The following ATP2C1 variants were observed in gnomAD, a reference collection of about 807,000 sequenced individuals.
The protein encoded by ATP2C1 is calcium-transporting ATPase type 2C member 1.
Under a neutral mutation model 120.5 loss-of-function variants are expected in ATP2C1, and 31 were observed. The observed-to-expected ratio is 0.26, with a 90% CI of 0.19 to 0.35. The LOEUF is 0.35. Among genes scored for constraint, ATP2C1 ranks in the 10% least tolerant of loss-of-function variants. The pLI is 1.00. For synonymous variants in ATP2C1, 351 were observed against 358.7 expected (o/e 0.98, Z 0.24); for missense variants, 731 against 1,107.5 (o/e 0.66, Z 4.83).
At chr3:131,015,560 A>G (rs916589874) in intron 26 of ATP2C1, among the ~76,000 whole-genome samples, 2 of 152,158 alleles carry the variant, frequency 1.3e-5, no homozygotes, top group African/African-American at 4.8e-5. Context: ...TAAAGCAAAC[A>G]TCCTAGGTTA....
chr3:130,871,905 CCT>C (rs1383183399), intron 1 of ATP2C1, among the ~76,000 whole-genome samples: 1 of 151,934 alleles, frequency 6.6e-6, no homozygotes, highest in African/African-American at 2.4e-5. Context: ...GCCTATAACC[CCT>C]GTTACTCTGG....
chr3:130,957,621 A>T (rs537322898), intron 11 of ATP2C1, among the ~76,000 whole-genome samples: 1 of 152,104 alleles, frequency 6.6e-6, no homozygotes, highest in Admixed American at 6.6e-5. Context: ...ATCCCGGCTG[A>T]CTGTAACCTC....
At chr3:130,996,249 T>A in intron 23 of ATP2C1, 138 bp downstream of exon 23, 1 of 718,048 alleles carries the variant, frequency 1.4e-6, no homozygotes, top group Non-Finnish European at 2.5e-6. Context: ...AAAAAGAAAA[T>A]TTATTGTATT....
chr3:130,909,799 G>A (rs1397679636), intron 2 of ATP2C1, among the ~76,000 whole-genome samples: 2 of 152,064 alleles, frequency 1.3e-5, no homozygotes, highest in Non-Finnish European at 2.9e-5. Flanking sequence ...TTATTGTAGA[G>A]CCTTAGCATC....
Position 130,940,704 on chromosome 3 carries a change from T to C in ATP2C1, c.422+13T>C, listed in dbSNP as rs2059853427. The stretch of plus-strand genomic sequence containing the variant: ...CAGAATGCCATTGGTATGATCCTTT[T>C]TTTGGTATGGATTTCTGCCCCTTTA... On this transcript the variant is annotated intron_variant, in intron 7 of 27. Transcript: ENST00000510168. The C allele has an allele frequency of 3.7e-6, 6 of 1,601,246 alleles. No individual in the cohort carries two copies. The highest frequency in any genetic ancestry group is 5.1e-6 in the Non-Finnish European group (6 of 1,168,776).
chr3:130,894,749 C>A lies in ATP2C1; in HGVS notation c.-21C>A. 6.2e-7 allele frequency: 1 copy of A among 1,614,148 alleles called. No homozygotes were observed. Among genetic ancestry groups the A allele is most frequent in the African/African-American group, 1.3e-5 (1 of 75,032 alleles). On this transcript the variant is annotated 5_prime_UTR_variant, in exon 2 of 28. Transcript: ENST00000510168. The surrounding 1 kb of genome is among the most constrained non-coding windows in gnomAD (Gnocchi z 4.5). ...ACTAAAGACTTTGTAGCCATCAACC[C>A]GAGTGCAGTTTCGATGGAAAATGAA...
chr3:130,976,879 T>C (rs979596185), intron 18 of ATP2C1, among the ~76,000 whole-genome samples: 1 of 152,210 alleles, frequency 6.6e-6, no homozygotes, highest in Non-Finnish European at 1.5e-5. Flanking sequence ...AATTGCCAAC[T>C]GACACTCTGG....
chr3:130,924,009 A>C (rs2059088445), intron 2 of ATP2C1, among the ~76,000 whole-genome samples: 1 of 151,478 alleles, frequency 6.6e-6, no homozygotes, highest in African/African-American at 2.4e-5. Context: ...TGGTTCGTGG[A>C]TTTTTATCCA....
At chr3:130,887,473 G>T (rs541192652) in intron 1 of ATP2C1, among the ~76,000 whole-genome samples, 1 of 152,284 alleles carries the variant, frequency 6.6e-6, no homozygotes, top group Non-Finnish European at 1.5e-5. Context: ...GCTAGGGACT[G>T]CAGTCAAAAA....
chr3:130,882,649 T>C lies in ATP2C1; in HGVS notation c.108+31721T>C, dbSNP rs940124038. On this transcript the variant is annotated intron_variant, in intron 1 of 26. Coordinates refer to the ATP2C1 transcript ENST00000504381. ...TGTCCTTCATTCTGTTGCTATGACA[T>C]ATCACATTAATTGATTTGCATGTGT... 5.9e-5 allele frequency among the ~76,000 whole-genome samples: 9 copies of C among 152,336 alleles called. No homozygotes were observed. The East Asian group carries it at 1.7e-3, about 29-fold the overall frequency.
intron 8 of ATP2C1, among the ~76,000 whole-genome samples, chr3:130,947,732 C>T (rs953396218): frequency 3.3e-5 from 5 of 152,002 alleles, no homozygotes; most frequent in Admixed American, 6.6e-5. Context: ...TTTGTGTTAT[C>T]TTTTTATGTT....
chr3:130,962,715 T>A (rs1576899927), intron 12 of ATP2C1, among the ~76,000 whole-genome samples: 5 of 114,202 alleles, frequency 4.4e-5, no homozygotes, highest in Admixed American at 1.8e-4. Context: ...ATGGAAGCAT[T>A]AAAAAAAAAA....
At chr3:131,011,302 T>TA (rs1377392297) in intron 26 of ATP2C1, among the ~76,000 whole-genome samples, 1 of 152,222 alleles carries the variant, frequency 6.6e-6, no homozygotes, top group Non-Finnish European at 1.5e-5. Context: ...TTATCACCAC[T>TA]AAATACAGAA....
At chr3:130,930,947 T>C (rs994048875) in intron 3 of ATP2C1, among the ~76,000 whole-genome samples, 1 of 152,096 alleles carries the variant, frequency 6.6e-6, no homozygotes, top group African/African-American at 2.4e-5. Flanking sequence ...ATAAGGGTTT[T>C]CTAAGGTAAA....
At chr3:130,856,228 T>G (rs1266082019) in intron 1 of ATP2C1, 1 of 152,220 alleles carries the variant, frequency 6.6e-6, no homozygotes, top group African/African-American at 2.4e-5. Context: ...TTTGCTGCTC[T>G]GTTTCTTAAT....
chr3:130,896,788 C>T (rs2069670256), intron 2 of ATP2C1, among the ~76,000 whole-genome samples: 1 of 152,126 alleles, frequency 6.6e-6, no homozygotes, highest in Non-Finnish European at 1.5e-5. Flanking sequence ...ATCTTTAACT[C>T]ACAGAATTGA....
chr3:130,975,777 C>T (rs979619446), intron 18 of ATP2C1, among the ~76,000 whole-genome samples: 16 of 152,058 alleles, frequency 1.1e-4, no homozygotes, highest in African/African-American at 3.4e-4. Context: ...GGAAATGGAT[C>T]GAGGTAAAAT....
chr3:130,850,780 G>A, exon 1 of ATP2C1: 1 of 985,300 alleles, frequency 1.0e-6, no homozygotes, highest in Non-Finnish European at 1.4e-6. Context: ...TATGGTTGCT[G>A]ACAAGGAGGT....
At chr3:130,921,083 T>C (rs796540443) in intron 2 of ATP2C1, among the ~76,000 whole-genome samples, 46 of 147,536 alleles carry the variant, frequency 3.1e-4, no homozygotes, top group East Asian at 7.8e-4. Flanking sequence ...TTCTTTCTTT[T>C]TTTTTTTTTT....
Sources: gnomAD v4.1 joint callset for allele counts (sites outside exome capture counted in the v4.1 genomes callset) on GRCh38, gnomAD v4.1.1 for gene constraint, Gnocchi (gnomAD v3.1) non-coding constraint, MANE v1.5 for transcripts, NCBI Gene and HGNC (gene_info 2026-07-23, HGNC 2026-07-21) for gene names.